The following PARP8 variants were observed in gnomAD, a reference collection of about 807,000 sequenced individuals.
PARP8 encodes poly(ADP-ribose) polymerase family member 8.
PARP8 carries 51 observed loss-of-function variants against 124.1 expected under a neutral mutation model. The observed-to-expected ratio is 0.41, with a 90% CI of 0.33 to 0.52. The LOEUF is 0.52. PARP8 is among the 20% of genes least tolerant of loss of function. The probability of loss-of-function intolerance (pLI) is 0.21; values close to 1 mark genes in which losing one functional copy is unlikely to be tolerated. For synonymous variants in PARP8, 391 were observed against 361.5 expected (o/e 1.08, Z -0.93); for missense variants, 860 against 1,018.9 (o/e 0.84, Z 2.12).
chr5:50,774,943 T>G (rs1739795412), intron 7 of PARP8, among the ~76,000 whole-genome samples: 1 of 141,748 alleles, frequency 7.1e-6, no homozygotes, highest in South Asian at 2.3e-4. Context: ...GCAGAGGCGC[T>G]CCCCACTTCC....
intron 19 of PARP8, among the ~76,000 whole-genome samples, chr5:50,827,576 A>C (rs1234406082): frequency 2.0e-5 from 3 of 152,278 alleles, no homozygotes; most frequent in East Asian, 3.9e-4. Flanking sequence ...CCCCAATTGA[A>C]TAGCTAGTAT....
At chr5:50,800,015 CAGCCGGAAT>C (rs1743022584) in intron 14 of PARP8, among the ~76,000 whole-genome samples, 1 of 152,212 alleles carries the variant, frequency 6.6e-6, no homozygotes, top group Non-Finnish European at 1.5e-5. Context: ...TCGATTACAG[CAGCCGGAAT>C]AGACCAAGAC....
At chr5:50,736,335 C>A (rs766812546) in intron 2 of PARP8, among the ~76,000 whole-genome samples, 8 of 152,066 alleles carry the variant, frequency 5.3e-5, no homozygotes, top group Admixed American at 6.6e-5. Flanking sequence ...CTTTTAGTGG[C>A]TGCAGCATCT....
intron 14 of PARP8, among the ~76,000 whole-genome samples, chr5:50,800,212 T>C (rs1390791283): frequency 6.6e-6 from 1 of 152,242 alleles, no homozygotes; most frequent in Non-Finnish European, 1.5e-5. Context: ...TAAATTAAGT[T>C]GCTTTATTCC....
intron 2 of PARP8, among the ~76,000 whole-genome samples, chr5:50,726,618 T>C (rs974506670): frequency 5.3e-5 from 8 of 152,202 alleles, no homozygotes; most frequent in South Asian, 2.1e-4. Flanking sequence ...GAAATTCCTT[T>C]ACCCCAGTGT....
intron 2 of PARP8, among the ~76,000 whole-genome samples, chr5:50,700,913 C>T (rs1174823417): frequency 6.6e-6 from 1 of 151,986 alleles, no homozygotes; most frequent in Non-Finnish European, 1.5e-5. Context: ...AATAGATAAT[C>T]CTCCAAGCAG....
At chr5:50,819,553 G>A (rs1187434402) in intron 15 of PARP8, among the ~76,000 whole-genome samples, 1 of 140,868 alleles carries the variant, frequency 7.1e-6, no homozygotes, top group Non-Finnish European at 1.5e-5. Context: ...CAGTACTCCT[G>A]CCTCAGCCAC....
chr5:50,683,787 A>G (rs1236772273), intron 2 of PARP8, among the ~76,000 whole-genome samples: 1 of 152,186 alleles, frequency 6.6e-6, no homozygotes, highest in Non-Finnish European at 1.5e-5. Context: ...CCTACACATT[A>G]CCTTCTCCGT....
At chr5:50,743,767 T>A (rs1351994024) in intron 2 of PARP8, among the ~76,000 whole-genome samples, 2 of 151,872 alleles carry the variant, frequency 1.3e-5, no homozygotes, top group East Asian at 1.9e-4. Flanking sequence ...AATAAATAAA[T>A]AAAATTAAAA....
At chr5:50,739,565 G>A (rs1757815238) in intron 2 of PARP8, among the ~76,000 whole-genome samples, 1 of 151,200 alleles carries the variant, frequency 6.6e-6, no homozygotes, top group African/African-American at 2.4e-5. Flanking sequence ...AATTTTCTGA[G>A]GTTTATATTG....
rs1338353597 is a variant in PARP8 at position 50,844,653 on chromosome 5, C to T, written c.*2585C>T. 1 of 151,722 alleles carries T rather than the reference C, an allele frequency of 6.6e-6. No homozygotes were observed. The highest frequency in any genetic ancestry group is 1.5e-5 in the Non-Finnish European group (1 of 67,782). 9.4% of individuals were successfully genotyped at this position (151,722 alleles called of 1,614,324 possible). On this transcript the variant is annotated 3_prime_UTR_variant, in exon 26 of 26. Transcript: ENST00000281631. ...TGTAATGGTTTTATTAATTGTGTAG[C>T]CATTGCTACTTAGATAGTAACCCAC...
chr5:50,745,016 G>T (rs1758402835), intron 2 of PARP8: 1 of 429,850 alleles, frequency 2.3e-6, no homozygotes, highest in African/African-American at 2.0e-5. Flanking sequence ...GTACTAGATT[G>T]TTTCCCTTAG....
chr5:50,721,786 G>A (rs1755913139), intron 2 of PARP8, among the ~76,000 whole-genome samples: 1 of 152,018 alleles, frequency 6.6e-6, no homozygotes, highest in Admixed American at 6.6e-5. Context: ...TCATTAGTAG[G>A]AAAAAGTTCT....
chr5:50,783,967 A>G (rs1349706266), intron 9 of PARP8, among the ~76,000 whole-genome samples: 2 of 152,220 alleles, frequency 1.3e-5, no homozygotes, highest in Admixed American at 1.3e-4. Context: ...AAAGTCTTTT[A>G]CAGTGATATT....
chr5:50,829,381 G>A (rs1580487775), intron 21 of PARP8, among the ~76,000 whole-genome samples: 1 of 152,124 alleles, frequency 6.6e-6, no homozygotes, highest in Non-Finnish European at 1.5e-5. Context: ...CATACTAATA[G>A]TGTGTGAGGG....
intron 2 of PARP8, among the ~76,000 whole-genome samples, chr5:50,673,446 C>T (rs1411868418): frequency 2.0e-5 from 3 of 152,116 alleles, no homozygotes; most frequent in African/African-American, 4.8e-5. Context: ...CTGCTGTTCT[C>T]TTTGCTTGCC....
In PARP8 at chr5:50,780,470, C is replaced by A. The variant is rs189560479; in HGVS notation, c.670+1820C>A. 1.8e-3 allele frequency among the ~76,000 whole-genome samples: 281 copies of A among 152,246 alleles called. 1 individual carries two copies. Among genetic ancestry groups the A allele is most frequent in the African/African-American group, 6.5e-3 (268 of 41,548 alleles). Reference sequence around the variant, plus strand: ...TGAAGCATGCTTTTATGTAATCTTACCTCTGATACTTATTTTTTGATATAA... The same window carrying A: ...TGAAGCATGCTTTTATGTAATCTTAACTCTGATACTTATTTTTTGATATAA... On this transcript the variant is annotated intron_variant, in intron 9 of 25. Coordinates refer to ENST00000281631, the MANE Select transcript of PARP8 (RefSeq NM_024615.4).
intron 2 of PARP8, among the ~76,000 whole-genome samples, chr5:50,719,734 G>A (rs1204104135): frequency 6.6e-6 from 1 of 152,000 alleles, no homozygotes; most frequent in Non-Finnish European, 1.5e-5. Flanking sequence ...ATATTAAAAT[G>A]TGTGGCTTCC....
intron 7 of PARP8, among the ~76,000 whole-genome samples, chr5:50,769,987 A>G (rs962142132): frequency 1.3e-5 from 2 of 152,084 alleles, no homozygotes; most frequent in African/African-American, 4.8e-5. Context: ...GTTGATATAT[A>G]AGTACTGTTT....
Sources: gnomAD v4.1 joint callset for allele counts (sites outside exome capture counted in the v4.1 genomes callset) on GRCh38, gnomAD v4.1.1 for gene constraint, MANE v1.5 for transcripts, NCBI Gene and HGNC (gene_info 2026-07-23, HGNC 2026-07-21) for gene names.